SAMMSON: variants seen among roughly 807,000 people sequenced by gnomAD.
SAMMSON encodes the protein long intergenic non-protein coding RNA 1212.
intron 4 of SAMMSON, among the ~76,000 whole-genome samples, chr3:70,219,820 A>T (rs1298045286): frequency 6.6e-6 from 1 of 152,178 alleles, no homozygotes; most frequent in Non-Finnish European, 1.5e-5. Context: ...TGGCAAAATG[A>T]TGCCAAACTC....
intron 4 of SAMMSON, among the ~76,000 whole-genome samples, chr3:70,228,044 C>T (rs986407337): frequency 1.3e-5 from 2 of 151,138 alleles, no homozygotes; most frequent in African/African-American, 4.9e-5. Flanking sequence ...AAATAATATC[C>T]AACAGAGAAT....
intron 4 of SAMMSON, among the ~76,000 whole-genome samples, chr3:70,202,453 A>C (rs765686386): frequency 6.6e-6 from 1 of 152,106 alleles, no homozygotes; most frequent in Non-Finnish European, 1.5e-5. Flanking sequence ...TGAGTAGCTT[A>C]CTGTTCACTG....
At chr3:70,390,659 C>T (rs900163478), downstream of SAMMSON, among the ~76,000 whole-genome samples, 1 of 152,036 alleles carries the variant, frequency 6.6e-6, no homozygotes, top group Admixed American at 6.6e-5. Context: ...GGGATCCATC[C>T]CCATGACCCA....
chr3:70,103,301 A>G (rs1392679894), intron 4 of SAMMSON, among the ~76,000 whole-genome samples: 2 of 152,174 alleles, frequency 1.3e-5, no homozygotes, highest in Non-Finnish European at 2.9e-5. Flanking sequence ...TGCAATCAGT[A>G]TTTCCATGTG....
At chr3:70,267,050 G>A (rs1701922605) in intron 6 of SAMMSON, among the ~76,000 whole-genome samples, 1 of 152,170 alleles carries the variant, frequency 6.6e-6, no homozygotes, top group African/African-American at 2.4e-5. Context: ...TTCCTTCTGA[G>A]CAATGTCGTG....
chr3:70,210,456 A>G lies in SAMMSON; in HGVS notation n.508-38651A>G, dbSNP rs575700793. Among the ~76,000 whole-genome samples, 3 of 152,222 alleles carry G rather than the reference A, an allele frequency of 2.0e-5. No individual in the cohort carries two copies. The South Asian group carries it at 6.2e-4, about 32-fold the overall frequency. On this transcript the variant is annotated intron_variant and non_coding_transcript_variant, in intron 4 of 9. Coordinates refer to ENST00000642114, the Ensembl canonical transcript of SAMMSON. ...ATTCTGACATCTGAAGTGAGTCACAATTTTTGGGTGAATGTTACTGACATC... is the reference window on the plus strand; with the variant it reads ...ATTCTGACATCTGAAGTGAGTCACAGTTTTTGGGTGAATGTTACTGACATC...
intron 4 of SAMMSON, among the ~76,000 whole-genome samples, chr3:70,143,853 T>A (rs1233355340): frequency 7.2e-5 from 11 of 152,280 alleles, no homozygotes; most frequent in Middle Eastern, 6.8e-3. Flanking sequence ...ATGTAGCAAC[T>A]GTTTTCTGCT....
At chr3:70,310,415 G>A (rs972166519) in intron 7 of SAMMSON, among the ~76,000 whole-genome samples, 1 of 151,838 alleles carries the variant, frequency 6.6e-6, no homozygotes, top group African/African-American at 2.4e-5. Context: ...ACCCAGGCTG[G>A]AGTGCAGTGG....
chr3:70,214,625 T>C (rs1701387331), intron 4 of SAMMSON, among the ~76,000 whole-genome samples: 2 of 148,404 alleles, frequency 1.3e-5, no homozygotes, highest in African/African-American at 5.0e-5. Flanking sequence ...TTTTTTTATC[T>C]AACTATTCTG....
intron 2 of SAMMSON, chr3:70,424,653 A>T (rs1460909542): frequency 6.6e-6 from 1 of 152,228 alleles, no homozygotes; most frequent in African/African-American, 2.4e-5. Flanking sequence ...GTCATTAAGA[A>T]TATAAAAAAT....
rs545328114 is a variant in SAMMSON at position 70,290,343 on chromosome 3, T to C, written n.675-836T>C. On this transcript the variant is annotated intron_variant and non_coding_transcript_variant, in intron 6 of 9. Coordinates refer to ENST00000642114, the Ensembl canonical transcript of SAMMSON. ...AGTGTAAGGTGTCAGTGTGCCCCTG[T>C]TGGGGGGTGCCTCCCAGTTAGGCTG... Among the ~76,000 whole-genome samples, 43 of 152,298 alleles carry C rather than the reference T, an allele frequency of 2.8e-4. No individual in the cohort carries two copies. In the South Asian group the frequency reaches 3.3e-3, roughly 12 times the overall value.
chr3:70,273,425 T>C (rs988469218), intron 6 of SAMMSON, among the ~76,000 whole-genome samples: 1 of 152,228 alleles, frequency 6.6e-6, no homozygotes, highest in Non-Finnish European at 1.5e-5. Context: ...CACAGAATTG[T>C]TTCTCTCCAG....
chr3:70,337,081 ATTC>A (rs1178578198), intron 7 of SAMMSON, among the ~76,000 whole-genome samples: 35,779 of 94,190 alleles, frequency 0.38, 7,423 homozygotes, highest in Admixed American at 0.46. Context: ...CTAACTTAAT[ATTC>A]TTATTAATAA....
At chr3:70,281,459 C>A (rs1274797519) in intron 6 of SAMMSON, among the ~76,000 whole-genome samples, 1 of 152,094 alleles carries the variant, frequency 6.6e-6, no homozygotes, top group African/African-American at 2.4e-5. Context: ...CGTGAACAGG[C>A]CACTTAGTTT....
chr3:70,405,530 A>C (rs916927948), intron 2 of SAMMSON, among the ~76,000 whole-genome samples: 3 of 152,214 alleles, frequency 2.0e-5, no homozygotes, highest in Non-Finnish European at 4.4e-5. Context: ...TGGAACTTCT[A>C]GAGATGAAAA....
intron 4 of SAMMSON, among the ~76,000 whole-genome samples, chr3:70,174,586 G>C (rs535680930): frequency 1.3e-5 from 2 of 152,120 alleles, no homozygotes; most frequent in East Asian, 3.9e-4. Context: ...ATGCTAGTGA[G>C]AGGTACTTCA....
At chr3:70,360,472 A>G (rs1702863339) in intron 9 of SAMMSON, among the ~76,000 whole-genome samples, 1 of 152,180 alleles carries the variant, frequency 6.6e-6, no homozygotes, top group South Asian at 2.1e-4. Flanking sequence ...AAACTGAGGC[A>G]CCAGGGGAAA....
chr3:70,262,724 C>T (rs1478368674), intron 6 of SAMMSON, among the ~76,000 whole-genome samples: 5 of 152,076 alleles, frequency 3.3e-5, no homozygotes, highest in South Asian at 2.1e-4. Flanking sequence ...TTGGAGATTC[C>T]GGGATCTGTA....
chr3:70,051,066 T>C (rs2067143907), intron 3 of SAMMSON, among the ~76,000 whole-genome samples: 1 of 128,784 alleles, frequency 7.8e-6, no homozygotes, highest in Non-Finnish European at 1.5e-5. Context: ...ACCCAGGAGA[T>C]GGAGGTTGGA....
Sources: allele counts gnomAD v4.1 joint callset (sites outside exome capture counted in the v4.1 genomes callset), GRCh38; gene constraint gnomAD v4.1.1; transcripts MANE v1.5; gene names NCBI Gene and HGNC (gene_info 2026-07-23, HGNC 2026-07-21).